The following KLHL32 variants were observed in gnomAD, a reference collection of about 807,000 sequenced individuals.
KLHL32 encodes kelch like family member 32.
A neutral mutation model predicts 64.8 loss-of-function variants in KLHL32; 35 were observed. That is an observed-to-expected ratio of 0.54 (90% CI 0.41 to 0.72). The LOEUF (loss-of-function observed/expected upper bound fraction) is 0.72. KLHL32 is among the 30% of genes least tolerant of loss of function. The pLI, the probability that KLHL32 is intolerant of heterozygous loss-of-function variation, is 0.00. For missense variants in KLHL32, 589 were observed against 768.5 expected, an observed-to-expected ratio of 0.77 and a Z score of 2.76; for synonymous variants, 259 against 281.0, an observed-to-expected ratio of 0.92 and a Z score of 0.78.
chr6:97,074,897 A>G (rs1791357014), intron 5 of KLHL32, among the ~76,000 whole-genome samples: 1 of 151,596 alleles, frequency 6.6e-6, no homozygotes, highest in African/African-American at 2.4e-5. Flanking sequence ...TCTTATATAT[A>G]TTCCATATTC....
At chr6:96,985,056 G>T (rs62413892) in intron 3 of KLHL32, among the ~76,000 whole-genome samples, 10,095 of 151,868 alleles carry the variant, frequency 0.066, 406 homozygotes, top group Middle Eastern at 0.15. Context: ...AGCTCTTGTA[G>T]GGCAGGCCTG....
At position 97,062,908 on chromosome 6, in the gene KLHL32, T is replaced by C. The variant is rs111879913; in HGVS notation, c.313-1720T>C. On this transcript the variant is annotated intron_variant, in intron 4 of 10. Coordinates refer to ENST00000369261, the MANE Select transcript of KLHL32 (RefSeq NM_052904.4). Reference sequence around the variant, plus strand: ...TTCTACATAGGATGGTCAGGGAAGGTATCTCAGGTAAGACGTTATCTGAAG... The same window carrying C: ...TTCTACATAGGATGGTCAGGGAAGGCATCTCAGGTAAGACGTTATCTGAAG... 9.1e-3 allele frequency among the ~76,000 whole-genome samples: 1,382 copies of C among 152,296 alleles called. 22 individuals are homozygous for C. The highest frequency in any genetic ancestry group is 0.03 in the African/African-American group (1,265 of 41,566).
At chr6:97,023,656 A>G (rs576242499) in intron 3 of KLHL32, among the ~76,000 whole-genome samples, 2 of 152,300 alleles carry the variant, frequency 1.3e-5, no homozygotes, top group South Asian at 4.1e-4. Context: ...TGGAGATTTA[A>G]TTGTAAGTCC....
chr6:97,132,527 G>A (rs1799543548), intron 9 of KLHL32, 126 bp from the exon 10 acceptor site: 1 of 668,058 alleles, frequency 1.5e-6, no homozygotes, highest in Admixed American at 2.8e-5. Context: ...ATTAGTTGCT[G>A]CAAAAATCCC....
chr6:97,012,862 T>C (rs1438428268), intron 3 of KLHL32, among the ~76,000 whole-genome samples: 5 of 152,226 alleles, frequency 3.3e-5, no homozygotes, highest in Non-Finnish European at 5.9e-5. Context: ...TTTGACATGT[T>C]TGATGTAGAA....
intron 4 of KLHL32, among the ~76,000 whole-genome samples, chr6:97,060,364 G>A (rs569891487): frequency 4.1e-4 from 63 of 152,280 alleles, no homozygotes; most frequent in African/African-American, 1.4e-3. Context: ...TGAGAGAGTG[G>A]ACATCTGATG....
intron 7 of KLHL32, among the ~76,000 whole-genome samples, chr6:97,117,212 C>T (rs1475256564): frequency 6.6e-6 from 1 of 152,156 alleles, no homozygotes; most frequent in African/African-American, 2.4e-5. Flanking sequence ...GGAGTGTAAC[C>T]TGATTTACTG....
chr6:97,036,933 T>C (rs1177482437), intron 3 of KLHL32, among the ~76,000 whole-genome samples: 1 of 152,222 alleles, frequency 6.6e-6, no homozygotes, highest in Admixed American at 6.5e-5. Context: ...TGGGGGGATA[T>C]AGTGGTCAAG....
At chr6:97,064,530 A>G in intron 4 of KLHL32, 98 bp from the exon 5 acceptor site, 2 of 793,616 alleles carry the variant, frequency 2.5e-6, no homozygotes, top group Non-Finnish European at 4.2e-6. Flanking sequence ...GAGTACGTAA[A>G]GCAGCAATTT....
At chr6:96,975,453 A>G (rs1488247077) in intron 2 of KLHL32, among the ~76,000 whole-genome samples, 1 of 152,182 alleles carries the variant, frequency 6.6e-6, no homozygotes, top group Non-Finnish European at 1.5e-5. Flanking sequence ...TTTTACATGG[A>G]ATGGTCATTT....
chr6:97,022,126 A>G lies in KLHL32; in HGVS notation c.205-19366A>G, dbSNP rs182174437. On this transcript the variant is annotated intron_variant, in intron 3 of 10. Coordinates refer to ENST00000369261, the MANE Select transcript of KLHL32 (RefSeq NM_052904.4). ...GAGTCTGTTTCAATACTGCAGCCCC[A>G]GTGAACCCACTGAAAACACAAATTG... is the stretch of plus-strand genomic sequence containing the variant. Among the ~76,000 whole-genome samples the G allele has an allele frequency of 2.8e-4, 42 of 151,048 alleles. 1 individual carries two copies. In the South Asian group the frequency reaches 6.0e-3, roughly 22 times the overall value.
chr6:97,007,853 G>T lies in KLHL32; in HGVS notation c.204+31676G>T, dbSNP rs547039550. On this transcript the variant is annotated intron_variant, in intron 3 of 10. Transcript: ENST00000369261. ...GGCCCCTAAAGGTTAGGAACCTGCT[G>T]CACTGGAGGGGCCAAAGTGTTCCCA... Among the ~76,000 whole-genome samples the T allele has an allele frequency of 7.3e-4, 111 of 152,316 alleles. 1 individual carries two copies. The highest frequency in any genetic ancestry group is 2.6e-3 in the African/African-American group (107 of 41,572).
At chr6:96,939,996 G>A (rs573319073) in intron 1 of KLHL32, among the ~76,000 whole-genome samples, 3 of 152,218 alleles carry the variant, frequency 2.0e-5, no homozygotes, top group African/African-American at 7.2e-5. Context: ...TGAATATTGA[G>A]GGTGAGGGAA....
At chr6:97,030,555 G>A (rs1417111398) in intron 3 of KLHL32, among the ~76,000 whole-genome samples, 1 of 152,206 alleles carries the variant, frequency 6.6e-6, no homozygotes, top group African/African-American at 2.4e-5. Context: ...ATCTCAGCCT[G>A]GCCGAGGCTC....
chr6:97,051,559 A>G (rs1343504336), intron 4 of KLHL32, among the ~76,000 whole-genome samples: 3 of 152,194 alleles, frequency 2.0e-5, no homozygotes, highest in African/African-American at 7.2e-5. Context: ...TACATATTTC[A>G]TAATCCATGG....
At chr6:96,995,870 T>C (rs1253250770) in intron 3 of KLHL32, among the ~76,000 whole-genome samples, 1 of 152,256 alleles carries the variant, frequency 6.6e-6, no homozygotes, top group Non-Finnish European at 1.5e-5. Flanking sequence ...TTAAAGATTA[T>C]GTACTATGTG....
chr6:96,973,333 G>C (rs1775311298), intron 2 of KLHL32, among the ~76,000 whole-genome samples: 1 of 152,076 alleles, frequency 6.6e-6, no homozygotes, highest in African/African-American at 2.4e-5. Context: ...TTAATAATAA[G>C]GACAGGAATT....
At chr6:97,057,985 C>T (rs944838966) in intron 4 of KLHL32, among the ~76,000 whole-genome samples, 1 of 152,140 alleles carries the variant, frequency 6.6e-6, no homozygotes, top group Admixed American at 6.5e-5. Context: ...TAGCCCCATT[C>T]TTGAAAAGAC....
intron 1 of KLHL32, among the ~76,000 whole-genome samples, chr6:96,948,922 A>G (rs1003183747): frequency 2.0e-5 from 3 of 152,204 alleles, no homozygotes; most frequent in African/African-American, 7.2e-5. Context: ...CATTTCTGAA[A>G]TTACAAAACA....
Sources: gnomAD v4.1 joint callset for allele counts (sites outside exome capture counted in the v4.1 genomes callset) on GRCh38, gnomAD v4.1.1 for gene constraint, MANE v1.5 for transcripts, NCBI Gene and HGNC (gene_info 2026-07-23, HGNC 2026-07-21) for gene names.